Variants in CAMTA1 observed in about 807,000 individuals in gnomAD.
The protein encoded by CAMTA1 is calmodulin-binding transcription activator 1.
A neutral mutation model predicts 170.9 loss-of-function variants in CAMTA1; 27 were observed. The observed-to-expected ratio is 0.16, with a 90% CI of 0.12 to 0.22. CAMTA1 has a LOEUF of 0.22. CAMTA1 is among the 10% of genes least tolerant of loss of function. The pLI is 1.00. For synonymous variants in CAMTA1, 833 were observed against 891.5 expected, an observed-to-expected ratio of 0.93 and a Z score of 1.17; for missense variants, 1,619 against 2,217.2, an observed-to-expected ratio of 0.73 and a Z score of 5.42.
intron 5 of CAMTA1, among the ~76,000 whole-genome samples, chr1:7,449,136 AAAG>A (rs1288906429): frequency 1.3e-5 from 2 of 152,216 alleles, no homozygotes; most frequent in Non-Finnish European, 2.9e-5. Flanking sequence ...AACAGCAAAG[AAAG>A]AAGAAGCTGA....
At chr1:6,832,319 T>G (rs1300712175) in intron 3 of CAMTA1, among the ~76,000 whole-genome samples, 1 of 152,148 alleles carries the variant, frequency 6.6e-6, no homozygotes, top group Non-Finnish European at 1.5e-5. Flanking sequence ...TCAAGCAATC[T>G]GCTTGCCTTG....
chr1:7,383,541 G>A (rs181413368), intron 5 of CAMTA1, among the ~76,000 whole-genome samples: 2 of 152,216 alleles, frequency 1.3e-5, no homozygotes, highest in Admixed American at 1.3e-4. Context: ...TACTTCATAG[G>A]GTTGTTGAGA....
intron 5 of CAMTA1, among the ~76,000 whole-genome samples, chr1:7,398,215 A>ATG (rs2089582231): frequency 8.6e-6 from 1 of 116,712 alleles, no homozygotes; most frequent in Non-Finnish European, 1.8e-5. Flanking sequence ...ATATATATAT[A>ATG]TATATATATA....
chr1:7,759,499 A>G (rs2096959144), intron 22 of CAMTA1, among the ~76,000 whole-genome samples: 1 of 152,176 alleles, frequency 6.6e-6, no homozygotes, highest in South Asian at 2.1e-4. Context: ...TACTGTCATC[A>G]GGGTTTTTGG....
At chr1:6,900,025 T>C (rs1187699185) in intron 3 of CAMTA1, among the ~76,000 whole-genome samples, 3 of 152,262 alleles carry the variant, frequency 2.0e-5, no homozygotes, top group African/African-American at 7.2e-5. Flanking sequence ...GGAAAAATGC[T>C]GTCAACAGCC....
chr1:7,408,718 G>T (rs890877697), intron 5 of CAMTA1, among the ~76,000 whole-genome samples: 4 of 152,200 alleles, frequency 2.6e-5, no homozygotes, highest in African/African-American at 7.2e-5. Context: ...GGCGGCCTGG[G>T]TCCTCAGCCT....
At chr1:6,961,110 A>G (rs1319433795) in intron 3 of CAMTA1, among the ~76,000 whole-genome samples, 2 of 152,220 alleles carry the variant, frequency 1.3e-5, no homozygotes, top group Non-Finnish European at 1.5e-5. Flanking sequence ...TTCTGGAATG[A>G]ATTCTCATTT....
chr1:6,889,118 T>TA (rs1673965350), intron 3 of CAMTA1, among the ~76,000 whole-genome samples: 1 of 152,220 alleles, frequency 6.6e-6, no homozygotes, highest in Non-Finnish European at 1.5e-5. Context: ...ATCAAACCAT[T>TA]AAAGCTGTTT....
intron 4 of CAMTA1, among the ~76,000 whole-genome samples, chr1:7,180,238 G>A (rs534771902): frequency 2.8e-4 from 42 of 151,912 alleles, no homozygotes; most frequent in Admixed American, 1.4e-3. Context: ...ATGGTGTCAC[G>A]TTCCTGTAAT....
At chr1:6,872,191 C>A in intron 3 of CAMTA1, 1 of 172,420 alleles carries the variant, frequency 5.8e-6, no homozygotes, top group Non-Finnish European at 1.2e-5. Flanking sequence ...CCAAACCACC[C>A]AAACCATTGC....
At chr1:7,085,357 G>A (rs7511741) in intron 3 of CAMTA1, among the ~76,000 whole-genome samples, 133,861 of 152,244 alleles carry the variant, frequency 0.88, 59,247 homozygotes, top group African/African-American at 0.97. Flanking sequence ...GACATCCTTT[G>A]GAAGAGAACT....
chr1:7,702,161 C>A (rs769346607), intron 11 of CAMTA1, among the ~76,000 whole-genome samples: 8 of 152,092 alleles, frequency 5.3e-5, no homozygotes, highest in Non-Finnish European at 7.4e-5. Flanking sequence ...CTGACCCCAA[C>A]CCACTCAGCA....
In CAMTA1 at chr1:6,970,895, C is replaced by T. The variant is rs1692408615; in HGVS notation, c.235-120409C>T. On this transcript the variant is annotated intron_variant, in intron 3 of 22. Coordinates refer to ENST00000303635, the MANE Select transcript of CAMTA1 (RefSeq NM_015215.4). This position sits in a 1 kb window ranked among gnomAD's most constrained non-coding sequence, Gnocchi z 4.4. ...TGCATGGACCGTTGCTGGCTGTGGT[C>T]CTCTGCAGGGACCACTGCTGTGTCT... is the stretch of plus-strand genomic sequence containing the variant. 6.6e-6 allele frequency among the ~76,000 whole-genome samples: 1 copy of T among 152,174 alleles called. No individual in the cohort carries two copies.
chr1:7,048,221 T>C (rs1222837497), intron 3 of CAMTA1, among the ~76,000 whole-genome samples: 1 of 152,090 alleles, frequency 6.6e-6, no homozygotes, highest in Non-Finnish European at 1.5e-5. Flanking sequence ...ATCATTTGAA[T>C]ATTATGGCTT....
chr1:7,138,361 G>A (rs950754821), intron 4 of CAMTA1, among the ~76,000 whole-genome samples: 1 of 152,150 alleles, frequency 6.6e-6, no homozygotes, highest in African/African-American at 2.4e-5. Flanking sequence ...CTGCCACAGT[G>A]TAGCATTGGC....
At chr1:7,381,269 G>A (rs1306002161) in intron 5 of CAMTA1, among the ~76,000 whole-genome samples, 1 of 150,492 alleles carries the variant, frequency 6.6e-6, no homozygotes, top group East Asian at 2.0e-4. Context: ...TCGTCATCTA[G>A]CATTAGGTAT....
At chr1:7,228,375 G>A (rs966566230) in intron 4 of CAMTA1, among the ~76,000 whole-genome samples, 1 of 152,216 alleles carries the variant, frequency 6.6e-6, no homozygotes, top group Non-Finnish European at 1.5e-5. Context: ...GGCCGAGGCG[G>A]GCAGGTTCAT....
At chr1:7,471,547 C>A (rs2093330415) in intron 6 of CAMTA1, among the ~76,000 whole-genome samples, 1 of 152,274 alleles carries the variant, frequency 6.6e-6, no homozygotes, top group Admixed American at 6.5e-5. Flanking sequence ...TTCAGGCTCC[C>A]CTGAGCCTAC....
intron 3 of CAMTA1, among the ~76,000 whole-genome samples, chr1:7,023,274 C>A (rs1288169826): frequency 1.3e-5 from 2 of 152,174 alleles, no homozygotes; most frequent in African/African-American, 2.4e-5. Flanking sequence ...ATTAGTGGTA[C>A]CCTTAAAGCT....
Sources: allele counts gnomAD v4.1 joint callset (sites outside exome capture counted in the v4.1 genomes callset), GRCh38; gene constraint gnomAD v4.1.1; non-coding constraint Gnocchi (gnomAD v3.1); transcripts MANE v1.5; gene names NCBI Gene and HGNC (gene_info 2026-07-23, HGNC 2026-07-21).